The following HPN variants were observed in gnomAD, a reference collection of about 807,000 sequenced individuals.
HPN encodes serine protease hepsin.
HPN carries 13 observed loss-of-function variants against 55.9 expected under a neutral mutation model. The ratio of observed to expected loss-of-function variants is 0.23; its 90% CI spans 0.15 to 0.37. The LOEUF (loss-of-function observed/expected upper bound fraction) is 0.37. Among genes scored for constraint, HPN ranks in the 10% least tolerant of loss-of-function variants. The probability of loss-of-function intolerance (pLI) is 1.00; values close to 1 mark genes in which losing one functional copy is unlikely to be tolerated. For synonymous variants in HPN, 225 were observed against 240.3 expected (o/e 0.94, Z 0.59); for missense variants, 451 against 575.8 (o/e 0.78, Z 2.22).
intron 4 of HPN, among the ~76,000 whole-genome samples, chr19:35,055,503 C>T (rs766158410): frequency 1.8e-4 from 28 of 152,184 alleles, no homozygotes; most frequent in Non-Finnish European, 2.9e-4. Context: ...CTGTCAGCCC[C>T]ATCTTTTCAG....
At chr19:35,057,847 T>C (rs1264885748) in intron 4 of HPN, among the ~76,000 whole-genome samples, 1 of 152,190 alleles carries the variant, frequency 6.6e-6, no homozygotes, top group Non-Finnish European at 1.5e-5. Flanking sequence ...ATTTTGTCAA[T>C]TAAAATAAAT....
chr19:35,054,359 A>T (rs1290373600), intron 4 of HPN, among the ~76,000 whole-genome samples: 1 of 150,532 alleles, frequency 6.6e-6, no homozygotes, highest in Non-Finnish European at 1.5e-5. Context: ...CAGAGGTTGC[A>T]GTGAGCCGAG....
chr19:35,045,560 G>A (rs1342083092), intron 2 of HPN, among the ~76,000 whole-genome samples: 1 of 152,146 alleles, frequency 6.6e-6, no homozygotes, highest in Non-Finnish European at 1.5e-5. Flanking sequence ...CAGGGGCAGA[G>A]AGTCTCAGGG....
intron 2 of HPN, among the ~76,000 whole-genome samples, chr19:35,049,030 G>A (rs537922864): frequency 2.0e-5 from 3 of 152,328 alleles, no homozygotes; most frequent in South Asian, 2.1e-4. Flanking sequence ...GAAAGTGCAG[G>A]GCGGAGGTGG....
chr19:35,055,532 G>A (rs961663880), intron 4 of HPN, among the ~76,000 whole-genome samples: 6 of 151,982 alleles, frequency 3.9e-5, no homozygotes, highest in African/African-American at 1.2e-4. Flanking sequence ...CAAACCCCTC[G>A]GTTACCCTCC....
At chr19:35,042,569 C>T (rs2064304853) in intron 2 of HPN, 47 bp downstream of exon 2, 11 of 1,525,148 alleles carry the variant, frequency 7.2e-6, no homozygotes, top group South Asian at 4.7e-5. Flanking sequence ...CCTGGCGCCC[C>T]GCCCTCTGTG....
At chr19:35,056,426 G>A (rs896923502) in intron 4 of HPN, among the ~76,000 whole-genome samples, 3 of 152,144 alleles carry the variant, frequency 2.0e-5, no homozygotes, top group Admixed American at 6.5e-5. Flanking sequence ...GGTACAAAGT[G>A]TTTGGTAAAT....
At chr19:35,049,067 C>T (rs1238671718) in intron 2 of HPN, among the ~76,000 whole-genome samples, 1 of 152,310 alleles carries the variant, frequency 6.6e-6, no homozygotes, top group Non-Finnish European at 1.5e-5. Flanking sequence ...CCCGGCCATG[C>T]CCCCCTCCCA....
chr19:35,055,169 C>G (rs1441659842), intron 4 of HPN, among the ~76,000 whole-genome samples: 2 of 152,048 alleles, frequency 1.3e-5, no homozygotes, highest in East Asian at 3.9e-4. Context: ...ATTTAAAAGG[C>G]GTTTTTAGCT....
chr19:35,058,693 G>C (rs1277358534), intron 4 of HPN, among the ~76,000 whole-genome samples: 1 of 150,094 alleles, frequency 6.7e-6, no homozygotes, highest in Non-Finnish European at 1.5e-5. Flanking sequence ...TTCATATGAA[G>C]AAACCAGGCT....
At chr19:35,065,488 G>A (rs547757297) in intron 10 of HPN, 51 bp from the exon 11 acceptor site, 75 of 1,600,780 alleles carry the variant, frequency 4.7e-5, no homozygotes, top group Admixed American at 2.3e-4. Flanking sequence ...AGGAGGGAAG[G>A]GGGGTGTGTA....
chr19:35,049,093 G>T (rs2064375897), intron 2 of HPN, among the ~76,000 whole-genome samples, 197 bp from the exon 3 acceptor site: 1 of 152,208 alleles, frequency 6.6e-6, no homozygotes, highest in Non-Finnish European at 1.5e-5. Context: ...AACCCTGGGG[G>T]AGCTGGGCAC....
At chr19:35,045,106 A>C (rs1382560611) in intron 2 of HPN, among the ~76,000 whole-genome samples, 1 of 152,046 alleles carries the variant, frequency 6.6e-6, no homozygotes, top group Non-Finnish European at 1.5e-5. Context: ...TCCCAGGGAA[A>C]GGTATTTAAA....
chr19:35,050,570 GA>G, intron 4 of HPN: 3 of 1,249,978 alleles, frequency 2.4e-6, no homozygotes, highest in Non-Finnish European at 3.1e-6. Flanking sequence ...CAAATAAATA[GA>G]TAAAGAAACT....
chr19:35,063,218 G>A (rs1196784002), intron 9 of HPN, among the ~76,000 whole-genome samples: 1 of 152,204 alleles, frequency 6.6e-6, no homozygotes. Context: ...CCCCAAATTC[G>A]TACAGCTGGT....
At chr19:35,064,796 G>A (rs936325695) in intron 9 of HPN, among the ~76,000 whole-genome samples, 4 of 148,816 alleles carry the variant, frequency 2.7e-5, no homozygotes, top group East Asian at 2.0e-4. Context: ...CTCTTGGTAC[G>A]TGGCGACTTC....
chr19:35,044,835 C>T (rs986351091), intron 2 of HPN, among the ~76,000 whole-genome samples: 7 of 151,962 alleles, frequency 4.6e-5, no homozygotes, highest in East Asian at 1.9e-4. Flanking sequence ...CCCAAGCCTC[C>T]GTGTGGAGGG....
chr19:35,049,369 CG>C lies in HPN; in HGVS notation c.100del (p.Ala34ArgfsTer52). On this transcript the variant is annotated frameshift_variant, in exon 3 of 13. Coordinates refer to ENST00000672452, the MANE Select transcript of HPN (RefSeq NM_001384133.1). LOFTEE classifies it high-confidence loss of function. ...GGACCCTGCTACTTCTGACAGCCAT[CG>C]GGGCGGCATCCTGGGCCATTGGTGA... is the stretch of plus-strand genomic sequence containing the variant. ...AGTLLLLTAI[G>X]AASWAIVAVL... 2 of 1,603,494 alleles carry C rather than the reference CG, an allele frequency of 1.2e-6. No individual in the cohort carries two copies. The highest frequency in any genetic ancestry group is 1.7e-6 in the Non-Finnish European group (2 of 1,173,450).
chr19:35,041,689 C>CAAAA, upstream of HPN: 3 of 385,794 alleles, frequency 7.8e-6, no homozygotes, highest in Non-Finnish European at 1.1e-5. Context: ...CCCGCCCCTT[C>CAAAA]ACCCGCCCCT....
Sources: allele counts gnomAD v4.1 joint callset (sites outside exome capture counted in the v4.1 genomes callset), GRCh38; gene constraint gnomAD v4.1.1; transcripts MANE v1.5; gene names NCBI Gene and HGNC (gene_info 2026-07-23, HGNC 2026-07-21).